PRB2: variants seen among roughly 807,000 people sequenced by gnomAD.
The protein encoded by PRB2 is basic salivary proline-rich protein 2.
A neutral mutation model predicts 8.3 loss-of-function variants in PRB2; 12 were observed. The ratio of observed to expected loss-of-function variants is 1.45; its 90% CI spans 0.93 to 2.35. PRB2 has a LOEUF of 2.35. Among genes scored for constraint, PRB2 ranks in the 30% most tolerant of loss-of-function variants. PRB2 has a pLI of 0.00. For synonymous variants in PRB2, 146 were observed against 180.0 expected (o/e 0.81, Z 1.51); for missense variants, 470 against 507.0 (o/e 0.93, Z 0.70).
At chr12:11,395,430 G>A (rs756669978) in intron 1 of PRB2, 36 bp downstream of exon 1, 2 of 1,612,846 alleles carry the variant, frequency 1.2e-6, no homozygotes, top group South Asian at 1.1e-5. Context: ...TAAGCCCCAA[G>A]CAGAGTCACC....
Position 11,395,476 on chromosome 12 carries a change from G to A in PRB2, c.54C>T (p.Asn18=). 1.2e-6 allele frequency: 2 copies of A among 1,613,728 alleles called. No individual in the cohort carries two copies. The highest frequency in any genetic ancestry group is 1.7e-6 in the Non-Finnish European group (2 of 1,179,846). Residue 18 remains asparagine (N), a synonymous_variant, in exon 1 of 4, where the codon AAC becomes AAT. Coordinates refer to ENST00000389362, the MANE Select transcript of PRB2 (RefSeq NM_006248.4). ...CCCCTTCTGTTTTACCTTCATTTAA[G>A]TTCTGAGCTGAGCTCAGGGCCAGCA... ...VALLALSSAQ[N]LNEDVSQEES...
chr12:11,393,035 G>C lies in PRB2; in HGVS notation c.1043C>G (p.Pro348Arg). 6.2e-7 allele frequency: 1 copy of C among 1,606,368 alleles called. No individual in the cohort carries two copies. Among genetic ancestry groups the C allele is most frequent in the Non-Finnish European group, 8.5e-7 (1 of 1,177,078 alleles). Reference sequence around the variant, plus strand: ...GGACTTGCTGCCTCCTTGTGGGGGTGGTCCTTGTGGCTTTCCTGGAGGTGG... The same window carrying C: ...GGACTTGCTGCCTCCTTGTGGGGGTCGTCCTTGTGGCTTTCCTGGAGGTGG... ...GPPPPGKPQG[P>R]PPQGGSKSRS... The change falls in exon 3 of 4, where the codon CCA (proline) becomes CGA (arginine). Residue 348 changes from proline to arginine, a missense_variant. Around this residue, in one of 4 missense-constraint regions of PRB2, gnomAD observed 205 missense variants for 195.0 expected, o/e 1.05. Transcript: ENST00000389362.
rs760418282 is a variant in PRB2 at position 11,393,557 on chromosome 12, C to G, written c.521G>C (p.Arg174Pro). The G allele has an allele frequency of 8.2e-6, 13 of 1,583,266 alleles. No individual in the cohort carries two copies. The highest frequency in any genetic ancestry group is 1.5e-5 in the African/African-American group (1 of 67,150). The change falls in exon 3 of 4, where the codon CGA becomes CCA. Residue 174 changes from arginine (R) to proline (P), a missense_variant. This residue lies in a region of PRB2 where 211 missense variants were observed against 207.7 expected (regional missense o/e 1.02). Coordinates refer to ENST00000389362, the MANE Select transcript of PRB2 (RefSeq NM_006248.4). ...TCCTTGTGGCTTTCCTGGAGGAGAT[C>G]GAGAACTTCGGGACTTGTTGTCTCC... Reference protein sequence around the residue: ...PQGDNKSRSSRSPPGKPQGPP... With the variant: ...PQGDNKSRSSPSPPGKPQGPP...
rs1864326909 is a variant in PRB2, at chr12:11,391,555, T to G, written c.*127A>C. The stretch of plus-strand genomic sequence containing the variant: ...CAATCAGAAATTGCAAGCTAATTAT[T>G]TTATTGGTATACAGAAGTTAGAGCT... On this transcript the variant is annotated 3_prime_UTR_variant, in exon 4 of 4. Coordinates refer to ENST00000389362, the MANE Select transcript of PRB2 (RefSeq NM_006248.4). The G allele has an allele frequency of 2.6e-6, 1 of 381,124 alleles. No individual in the cohort carries two copies. The highest frequency in any genetic ancestry group is 5.2e-6 in the Non-Finnish European group (1 of 194,152). 23.6% of individuals were successfully genotyped at this position (381,124 alleles called of 1,614,324 possible).
intron 2 of PRB2, 151 bp downstream of exon 2, chr12:11,394,344 C>G: frequency 9.8e-7 from 1 of 1,024,840 alleles, no homozygotes; most frequent in Non-Finnish European, 1.5e-6. Context: ...TGCCCAGAAT[C>G]AAGGTTGCAT....
In PRB2 at chr12:11,393,228, G is replaced by T; in HGVS notation, c.850C>A (p.Gln284Lys). 1 of 1,461,928 alleles carries T rather than the reference G, an allele frequency of 6.8e-7. No individual in the cohort carries two copies. The highest frequency in any genetic ancestry group is 9.2e-7 in the Non-Finnish European group (1 of 1,085,384). 90.6% of individuals were successfully genotyped at this position (1,461,928 alleles called of 1,614,324 possible). A position where few individuals can be genotyped will look rare whatever the true frequency, so the allele number is the denominator to read the frequency against. ...CTGCCTCCTTGTGGGGGTGGTCCTT[G>T]TGGCTTTCCTGGAGGTGGGGGACCT... The part of the protein sequence containing the change: ...PQGPPPPGKP[Q>K]GPPPQGGSKS... The change falls in exon 3 of 4, where the codon CAA (glutamine) becomes AAA (lysine). Residue 284 changes from glutamine to lysine, a missense_variant. Physicochemically the swap from Gln to Lys is moderately conservative, Grantham distance 53 (BLOSUM62 1). This residue lies in a region of PRB2 where 205 missense variants were observed against 195.0 expected (regional missense o/e 1.05). Coordinates refer to ENST00000389362, the MANE Select transcript of PRB2 (RefSeq NM_006248.4).
rs1864385644 is a variant in PRB2 at position 11,394,817 on chromosome 12, A to G, written c.65-287T>C. ...TTAGTTCACAAATGCCAGGTACTTC[A>G]ATGTGATATTTTGGTGTTCTTATGC... is the stretch of plus-strand genomic sequence containing the variant. On this transcript the variant is annotated intron_variant, in intron 1 of 3. Coordinates refer to ENST00000389362, the MANE Select transcript of PRB2 (RefSeq NM_006248.4). Among the ~76,000 whole-genome samples, 4 of 152,144 alleles carry G rather than the reference A, an allele frequency of 2.6e-5. No individual in the cohort carries two copies. The South Asian group carries it at 8.3e-4, about 32-fold the overall frequency.
Position 11,393,720 on chromosome 12 carries a change from C to G in PRB2, c.358G>C (p.Gly120Arg). 6.3e-7 allele frequency: 1 copy of G among 1,596,918 alleles called. No homozygotes were observed. The highest frequency in any genetic ancestry group is 8.5e-7 in the Non-Finnish European group (1 of 1,171,612). ...SPRSPPGKPQ[G>R]PPPQGGNQPQ... ...TGGTTGCCTCCTTGTGGGGGTGGTC[C>G]TTGTGGCTTTCCTGGAGGAGATCGG... The change falls in exon 3 of 4, where the codon GGA becomes CGA. Residue 120 changes from glycine (G) to arginine (R), a missense_variant. This residue lies in a region of PRB2 where 211 missense variants were observed against 207.7 expected (regional missense o/e 1.02). Coordinates refer to ENST00000389362, the MANE Select transcript of PRB2 (RefSeq NM_006248.4).
At chr12:11,394,089 C>G (rs12230145) in intron 2 of PRB2, 112 bp from the exon 3 acceptor site, 3 of 1,389,840 alleles carry the variant, frequency 2.2e-6, no homozygotes, top group Non-Finnish European at 3.0e-6. Flanking sequence ...GGGAAACACA[C>G]AAAAATGAGA....
At position 11,393,867 on chromosome 12, in the gene PRB2, G is replaced by T. The variant is rs762648013; in HGVS notation, c.211C>A (p.Pro71Thr). 6.2e-6 allele frequency: 9 copies of T among 1,462,482 alleles called. No homozygotes were observed. The Admixed American group carries it at 1.4e-4, about 22-fold the overall frequency. 90.6% of individuals were successfully genotyped at this position (1,462,482 alleles called of 1,614,324 possible). Residue 71 changes from proline to threonine, a missense_variant, in exon 3 of 4, where the codon CCC becomes ACC. Transcript: ENST00000389362. ...PPQGGNQPQG[P>T]PPPPGKPQGP... ...TGTGGCTTTCCTGGAGGAGGTGGGG[G>T]ACCTTGAGGCTGGTTGCCTCCTTGT...
In PRB2 at chr12:11,393,995, A is replaced by C; in HGVS notation, c.101-18T>G. On this transcript the variant is annotated intron_variant, in intron 2 of 3. Coordinates refer to ENST00000389362, the MANE Select transcript of PRB2 (RefSeq NM_006248.4). ...TGGATTTCCTGGAGAACAAAGAGAGAAGAGAAAGACAGAGTAAAAGCCCAT... is the reference window on the plus strand; with the variant it reads ...TGGATTTCCTGGAGAACAAAGAGAGCAGAGAAAGACAGAGTAAAAGCCCAT... The C allele has an allele frequency of 6.2e-7, 1 of 1,613,982 alleles. No individual in the cohort carries two copies. The highest frequency in any genetic ancestry group is 1.1e-5 in the South Asian group (1 of 91,082).
rs1864359713 is a variant in PRB2, at chr12:11,393,724, T to C, written c.354A>G (p.Pro118=). ...TGCCTCCTTGTGGGGGTGGTCCTTG[T>C]GGCTTTCCTGGAGGAGATCGGGGAC... ...SRSPRSPPGK[P]QGPPPQGGNQ... Residue 118 remains proline (P), a synonymous_variant, in exon 3 of 4, where the codon CCA becomes CCG. Coordinates refer to ENST00000389362, the MANE Select transcript of PRB2 (RefSeq NM_006248.4). The C allele has an allele frequency of 1.3e-6, 2 of 1,598,100 alleles. No homozygotes were observed. Among genetic ancestry groups the C allele is most frequent in the East Asian group, 2.3e-5 (1 of 44,210 alleles).
Position 11,395,506 on chromosome 12 carries a change from CA to C in PRB2, c.23del (p.Val8GlyfsTer6), listed in dbSNP as rs1864396187. The stretch of plus-strand genomic sequence containing the variant: ...GAGCTGAGCTCAGGGCCAGCAAGGC[CA>C]CTGACAGCAGAATCAACAGCATCTT... MLLILLS[V>X]ALLALSSAQN... On this transcript the variant is annotated frameshift_variant, in exon 1 of 4. Coordinates refer to ENST00000389362, the MANE Select transcript of PRB2 (RefSeq NM_006248.4). LOFTEE classifies it high-confidence loss of function. The C allele has an allele frequency of 6.2e-7, 1 of 1,613,208 alleles. No homozygotes were observed. Among genetic ancestry groups the C allele is most frequent in the Non-Finnish European group, 8.5e-7 (1 of 1,179,736 alleles).
At chr12:11,394,169 A>G (rs546864361) in intron 2 of PRB2, among the ~76,000 whole-genome samples, 192 bp from the exon 3 acceptor site, 1 of 152,246 alleles carries the variant, frequency 6.6e-6, no homozygotes, top group Admixed American at 6.5e-5. Flanking sequence ...GGGAAGAACA[A>G]AGCAGTTGAG....
Position 11,392,946 on chromosome 12 carries a change from G to A in PRB2, c.1132C>T (p.Gln378Ter), listed in dbSNP as rs1266876580. 1 of 1,611,224 alleles carries A rather than the reference G, an allele frequency of 6.2e-7. No individual in the cohort carries two copies. The highest frequency in any genetic ancestry group is 8.5e-7 in the Non-Finnish European group (1 of 1,179,266). The change falls in exon 3 of 4, where the codon CAA becomes TAA. Residue 378 changes from glutamine (Q) to a stop codon, truncating the protein, a stop_gained. Transcript: ENST00000389362. LOFTEE classifies it low-confidence loss of function (END_TRUNC). ...CCTCCTGCTGGAGGTGGGGGACCTT[G>A]AGGATTGTTGCCTTCTTGTTGGGGT... is the stretch of plus-strand genomic sequence containing the variant. ...GPPQQEGNNP[Q>*]GPPPPAGGNP... is the part of the protein sequence containing the mutation.
Position 11,394,462 on chromosome 12 carries a change from G to A in PRB2, c.100+33C>T. On this transcript the variant is annotated intron_variant, in intron 2 of 3. Coordinates refer to ENST00000389362, the MANE Select transcript of PRB2 (RefSeq NM_006248.4). ...ATCCATTCATAAGCAGAAAAAGACA[G>A]TCAGAACAGATTGAGAATGAATCGG... 1.9e-6 allele frequency: 3 copies of A among 1,607,828 alleles called. No individual in the cohort carries two copies. The East Asian group carries it at 6.7e-5, about 36-fold the overall frequency.
intron 2 of PRB2, 60 bp downstream of exon 2, chr12:11,394,435 T>G (rs1486428429): frequency 2.6e-6 from 4 of 1,564,798 alleles, no homozygotes; most frequent in Non-Finnish European, 3.5e-6. Context: ...ACTGGAGAAC[T>G]GATCCATTCA....
At chr12:11,394,635 C>T (rs1392680939) in intron 1 of PRB2, 105 bp from the exon 2 acceptor site, 1 of 1,406,004 alleles carries the variant, frequency 7.1e-7, no homozygotes, top group Non-Finnish European at 1.0e-6. Flanking sequence ...CCCATGCATC[C>T]CCTAAGTTAA....
Position 11,395,505 on chromosome 12 carries a change from C to G in PRB2, c.25G>C (p.Ala9Pro). The change falls in exon 1 of 4, where the codon GCC becomes CCC. Residue 9 changes from alanine to proline, a missense_variant. Physicochemically the swap from Ala to Pro is conservative, Grantham distance 27. Coordinates refer to ENST00000389362, the MANE Select transcript of PRB2 (RefSeq NM_006248.4). MLLILLSV[A>P]LLALSSAQNL... ...TGAGCTGAGCTCAGGGCCAGCAAGG[C>G]CACTGACAGCAGAATCAACAGCATC... The G allele has an allele frequency of 1.9e-6, 3 of 1,613,324 alleles. No homozygotes were observed. The highest frequency in any genetic ancestry group is 2.5e-6 in the Non-Finnish European group (3 of 1,179,722).
Sources: allele counts gnomAD v4.1 joint callset (sites outside exome capture counted in the v4.1 genomes callset), GRCh38; gene constraint gnomAD v4.1.1; regional missense constraint gnomAD v4.1.1; transcripts MANE v1.5; gene names NCBI Gene and HGNC (gene_info 2026-07-23, HGNC 2026-07-21).